TBK1: variants seen among roughly 807,000 people sequenced by gnomAD.
The protein encoded by TBK1 is TANK binding kinase 1.
Under a neutral mutation model 99.9 loss-of-function variants are expected in TBK1, and 37 were observed. That is an observed-to-expected ratio of 0.37 (90% confidence interval 0.28 to 0.49). The LOEUF (loss-of-function observed/expected upper bound fraction) is 0.49, where lower values mean the gene tolerates loss of function less well. Among genes scored for constraint, TBK1 ranks in the 20% least tolerant of loss-of-function variants. The pLI is 0.98. For synonymous variants in TBK1, 258 were observed against 279.8 expected (o/e 0.92, Z 0.78); for missense variants, 644 against 872.5 (o/e 0.74, Z 3.30).
chr12:64,484,952 C>T (rs1254531212), intron 9 of TBK1, among the ~76,000 whole-genome samples: 5 of 152,026 alleles, frequency 3.3e-5, no homozygotes, highest in South Asian at 4.1e-4. Context: ...ACGATAAAAT[C>T]GTTTGTCATA....
At position 64,496,351 on chromosome 12, in the gene TBK1, AT is replaced by A; in HGVS notation, c.1721-12del. ...GATTCTATATTAACAACAGTAATAT[AT>A]TTTCCTATTTCTAGGATTAGCTTAT... On this transcript the variant is annotated splice_polypyrimidine_tract_variant and intron_variant, in intron 15 of 20. Coordinates refer to ENST00000331710, the MANE Select transcript of TBK1 (RefSeq NM_013254.4). The A allele has an allele frequency of 8.9e-7, 1 of 1,123,962 alleles. No homozygotes were observed. The allele number at this position is 1,123,962 out of a possible 1,614,324, so 69.6% of individuals were successfully genotyped here.
chr12:64,459,148 T>C (rs1329102909), intron 2 of TBK1, among the ~76,000 whole-genome samples: 3 of 152,144 alleles, frequency 2.0e-5, no homozygotes, highest in African/African-American at 7.2e-5. Context: ...CCATGAAATG[T>C]CTTTAGCCAT....
intron 6 of TBK1, among the ~76,000 whole-genome samples, chr12:64,476,613 A>G (rs182964066): frequency 8.5e-4 from 129 of 152,210 alleles, no homozygotes; most frequent in Non-Finnish European, 1.2e-3. Flanking sequence ...CTCCCATTCT[A>G]TAGGTTGTCT....
intron 2 of TBK1, among the ~76,000 whole-genome samples, chr12:64,457,939 A>G (rs930512903): frequency 6.6e-6 from 1 of 152,194 alleles, no homozygotes; most frequent in African/African-American, 2.4e-5. Context: ...TTTCAGAAGT[A>G]TAAGAATTAA....
intron 5 of TBK1, among the ~76,000 whole-genome samples, chr12:64,473,281 T>G (rs2040679344): frequency 6.6e-6 from 1 of 152,198 alleles, no homozygotes; most frequent in Non-Finnish European, 1.5e-5. Context: ...CATATGATAT[T>G]TAATACATTA....
At chr12:64,480,735 C>T (rs992097393) in intron 7 of TBK1, among the ~76,000 whole-genome samples, 1 of 151,994 alleles carries the variant, frequency 6.6e-6, no homozygotes, top group Non-Finnish European at 1.5e-5. Flanking sequence ...TTGTATTTCA[C>T]TCTGGAAACA....
At chr12:64,471,203 T>C (rs2040658837) in intron 5 of TBK1, among the ~76,000 whole-genome samples, 1 of 152,122 alleles carries the variant, frequency 6.6e-6, no homozygotes, top group Non-Finnish European at 1.5e-5. Context: ...AGAGTCTCAA[T>C]CTGTTGCCCA....
intron 13 of TBK1, among the ~76,000 whole-genome samples, chr12:64,494,313 A>G (rs972783208): frequency 1.4e-5 from 2 of 144,952 alleles, no homozygotes; most frequent in Admixed American, 7.0e-5. Flanking sequence ...AAAAAAAAAA[A>G]GAAAAAAAAG....
intron 20 of TBK1, among the ~76,000 whole-genome samples, chr12:64,500,234 C>T (rs1420920218): frequency 1.3e-5 from 2 of 152,166 alleles, no homozygotes; most frequent in Non-Finnish European, 2.9e-5. Flanking sequence ...GGATAACCCA[C>T]TATCACTTCA....
chr12:64,471,251 C>G (rs2040659594), intron 5 of TBK1, among the ~76,000 whole-genome samples: 1 of 152,014 alleles, frequency 6.6e-6, no homozygotes, highest in African/African-American at 2.4e-5. Context: ...CTCACTCAAG[C>G]TCCACCTCCC....
At chr12:64,470,527 A>G (rs1276140960) in intron 5 of TBK1, among the ~76,000 whole-genome samples, 1 of 152,190 alleles carries the variant, frequency 6.6e-6, no homozygotes, top group Non-Finnish European at 1.5e-5. Flanking sequence ...TTTTTGGTAA[A>G]GTTTCTAACT....
chr12:64,489,936 T>C (rs2040853552), intron 12 of TBK1, 105 bp from the exon 13 acceptor site: 1 of 732,756 alleles, frequency 1.4e-6, no homozygotes, highest in East Asian at 3.2e-5. Context: ...ATTTTTTATT[T>C]TTAAATGGTT....
At chr12:64,455,322 A>G (rs2040475237) in intron 1 of TBK1, among the ~76,000 whole-genome samples, 1 of 152,116 alleles carries the variant, frequency 6.6e-6, no homozygotes, top group Admixed American at 6.6e-5. Context: ...ATTGTATTTT[A>G]TTATAGTATG....
At chr12:64,465,609 T>C (rs1248528002) in intron 4 of TBK1, among the ~76,000 whole-genome samples, 2 of 152,134 alleles carry the variant, frequency 1.3e-5, no homozygotes. Context: ...CAAAAAGATA[T>C]GAAGTAGTTA....
intron 5 of TBK1, among the ~76,000 whole-genome samples, chr12:64,472,477 A>G (rs1027236507): frequency 6.6e-6 from 1 of 152,192 alleles, no homozygotes; most frequent in African/African-American, 2.4e-5. Context: ...TTCAAGATTT[A>G]TCTTCCAAAA....
chr12:64,456,615 C>T (rs917676830), intron 2 of TBK1, among the ~76,000 whole-genome samples: 1 of 151,896 alleles, frequency 6.6e-6, no homozygotes, highest in Non-Finnish European at 1.5e-5. Context: ...CCGAGGCAGG[C>T]GGATCACGAG....
intron 4 of TBK1, among the ~76,000 whole-genome samples, 178 bp from the exon 5 acceptor site, chr12:64,466,723 A>G (rs1167729614): frequency 6.7e-6 from 1 of 149,886 alleles, no homozygotes; most frequent in Non-Finnish European, 1.5e-5. Context: ...TCTTATAACT[A>G]AAACATAACA....
At chr12:64,472,148 T>C (rs2040668337) in intron 5 of TBK1, among the ~76,000 whole-genome samples, 1 of 151,660 alleles carries the variant, frequency 6.6e-6, no homozygotes. Flanking sequence ...AGTAGGCATA[T>C]GTTTGGACAC....
rs1592375898 is a variant in TBK1, at chr12:64,495,551, A to G, written c.1590A>G (p.Gly530=). 4 of 1,614,110 alleles carry G rather than the reference A, an allele frequency of 2.5e-6. No homozygotes were observed. In the East Asian group the frequency reaches 8.9e-5, roughly 36 times the overall value. ...TCGACAGCAGATTATCTCCAGGTGGATCACTGGCAGACGCATGGGCACATC... is the reference window on the plus strand; with the variant it reads ...TCGACAGCAGATTATCTCCAGGTGGGTCACTGGCAGACGCATGGGCACATC... The part of the protein sequence containing the change: ...QDIDSRLSPG[G]SLADAWAHQE... The change falls in exon 14 of 21, where the codon GGA becomes GGG. Residue 530 remains glycine (G), a synonymous_variant. Transcript: ENST00000331710.
Sources: allele counts gnomAD v4.1 joint callset (sites outside exome capture counted in the v4.1 genomes callset), GRCh38; gene constraint gnomAD v4.1.1; transcripts MANE v1.5; gene names NCBI Gene and HGNC (gene_info 2026-07-23, HGNC 2026-07-21).